The following CRTAC1 variants were observed in gnomAD, a reference collection of about 807,000 sequenced individuals.
CRTAC1 encodes acidic secreted protein in cartilage.
In CRTAC1, 37 loss-of-function variants were observed where a neutral mutation model predicts 67.8. That is an observed-to-expected ratio of 0.55 (90% CI 0.42 to 0.72). CRTAC1 has a LOEUF of 0.72. CRTAC1 is among the 30% of genes least tolerant of loss of function. The probability of loss-of-function intolerance (pLI) is 0.00; values close to 1 mark genes in which losing one functional copy is unlikely to be tolerated. For missense variants in CRTAC1, 780 were observed against 931.6 expected, an observed-to-expected ratio of 0.84 and a Z score of 2.12; for synonymous variants, 348 against 371.0, an observed-to-expected ratio of 0.94 and a Z score of 0.71.
At chr10:97,882,114 T>C (rs2136539320) in intron 13 of CRTAC1, among the ~76,000 whole-genome samples, 1 of 152,300 alleles carries the variant, frequency 6.6e-6, no homozygotes, top group Middle Eastern at 3.4e-3. Flanking sequence ...CAGAGTAGAC[T>C]TGGGAAGAAT....
intron 2 of CRTAC1, among the ~76,000 whole-genome samples, chr10:97,992,809 G>C (rs1842486802): frequency 6.6e-6 from 1 of 152,148 alleles, no homozygotes; most frequent in Admixed American, 6.5e-5. Context: ...GGAGATATTG[G>C]TCAAAGGATA....
In CRTAC1 at chr10:97,879,677, T is replaced by C. The variant is rs771016209; in HGVS notation, c.1819+572A>G. On this transcript the variant is annotated intron_variant, in intron 14 of 14. Transcript: ENST00000370597. ...TTTGTTTTGTTTTTTCCTTTATTGA[T>C]GGGATTTAAAGTGCATATAACTGAA... 5.9e-5 allele frequency: 90 copies of C among 1,532,580 alleles called. No homozygotes were observed. The African/African-American group carries it at 8.0e-4, about 14-fold the overall frequency. 94.9% of individuals were successfully genotyped at this position (1,532,580 alleles called of 1,614,324 possible). A position where few individuals can be genotyped will look rare whatever the true frequency, so the allele number is the denominator to read the frequency against.
At chr10:97,917,015 C>T (rs374842537) in intron 5 of CRTAC1, among the ~76,000 whole-genome samples, 75 of 152,294 alleles carry the variant, frequency 4.9e-4, no homozygotes, top group Non-Finnish European at 6.8e-4. Flanking sequence ...GCTCAGTTAT[C>T]CGAGACGGGA....
At chr10:97,931,073 G>T (rs1590217575) in intron 3 of CRTAC1, among the ~76,000 whole-genome samples, 1 of 152,280 alleles carries the variant, frequency 6.6e-6, no homozygotes, top group East Asian at 1.9e-4. Context: ...GAGCAGATAA[G>T]AAATTCAAAT....
chr10:97,897,599 T>C (rs1275316060), intron 8 of CRTAC1, among the ~76,000 whole-genome samples: 1 of 152,202 alleles, frequency 6.6e-6, no homozygotes, highest in African/African-American at 2.4e-5. Flanking sequence ...GTCTGCAGGA[T>C]ACAAAGGTGA....
chr10:97,925,675 G>A (rs190229829), intron 3 of CRTAC1, among the ~76,000 whole-genome samples: 1 of 109,922 alleles, frequency 9.1e-6, no homozygotes, highest in Non-Finnish European at 2.1e-5. Flanking sequence ...GAGTGTGAGA[G>A]GGGGGTGGGT....
At chr10:97,866,622 ATG>A (rs913970708) in intron 14 of CRTAC1, 3 of 152,264 alleles carry the variant, frequency 2.0e-5, no homozygotes, top group Non-Finnish European at 2.9e-5. Flanking sequence ...GTGTGAGCGC[ATG>A]TGTGTGCACC....
intron 14 of CRTAC1, chr10:97,878,826 T>C: frequency 2.9e-6 from 2 of 696,452 alleles, no homozygotes; most frequent in Non-Finnish European, 4.1e-6. Context: ...AGGCACAGCA[T>C]GGAGAAGTGA....
chr10:97,870,667 T>C (rs1490507862), intron 14 of CRTAC1: 1 of 152,196 alleles, frequency 6.6e-6, no homozygotes, highest in Non-Finnish European at 1.5e-5. Context: ...CACTTGAAAT[T>C]AACGTTTTGT....
At chr10:98,026,461 G>A (rs1263010175) in intron 1 of CRTAC1, among the ~76,000 whole-genome samples, 1 of 152,182 alleles carries the variant, frequency 6.6e-6, no homozygotes, top group Admixed American at 6.5e-5. Flanking sequence ...TAACCACAAT[G>A]TATGTAAGTA....
intron 2 of CRTAC1, among the ~76,000 whole-genome samples, chr10:97,977,068 G>A (rs2051817357): frequency 6.6e-6 from 1 of 152,192 alleles, no homozygotes; most frequent in Non-Finnish European, 1.5e-5. Flanking sequence ...TATTTGCTAA[G>A]CATTTCTATG....
At chr10:97,924,157 G>A (rs561787871) in intron 3 of CRTAC1, among the ~76,000 whole-genome samples, 4 of 152,264 alleles carry the variant, frequency 2.6e-5, no homozygotes, top group East Asian at 3.9e-4. Context: ...GAGCTCGTTC[G>A]TGACTAAGAA....
intron 1 of CRTAC1, among the ~76,000 whole-genome samples, chr10:98,023,043 G>T (rs1479802434): frequency 6.6e-6 from 1 of 152,136 alleles, no homozygotes; most frequent in African/African-American, 2.4e-5. Flanking sequence ...TTCCTAGTTT[G>T]TCTCCAGTGG....
At chr10:97,923,924 G>T (rs1048910343) in intron 3 of CRTAC1, among the ~76,000 whole-genome samples, 2 of 152,194 alleles carry the variant, frequency 1.3e-5, no homozygotes, top group African/African-American at 4.8e-5. Flanking sequence ...CTGATGGGGT[G>T]AGAAATGAGG....
intron 14 of CRTAC1, chr10:97,871,194 C>T (rs1009882273): frequency 1.3e-5 from 2 of 152,184 alleles, no homozygotes; most frequent in Non-Finnish European, 1.5e-5. Flanking sequence ...GTTCAAAGGG[C>T]CTGTCATTTC....
At chr10:97,899,618 G>A (rs1163651781) in intron 8 of CRTAC1, among the ~76,000 whole-genome samples, 40 of 152,194 alleles carry the variant, frequency 2.6e-4, no homozygotes, top group Admixed American at 2.6e-3. Flanking sequence ...TAAGCTTTTC[G>A]CAAGGCACCT....
chr10:97,878,485 C>A, intron 14 of CRTAC1: 1 of 702,312 alleles, frequency 1.4e-6, no homozygotes, highest in Non-Finnish European at 1.9e-6. Context: ...AAAAGGGTTG[C>A]TGCATTCTTA....
chr10:97,941,947 C>A (rs1245837647), intron 2 of CRTAC1, among the ~76,000 whole-genome samples: 3 of 152,178 alleles, frequency 2.0e-5, no homozygotes, highest in Non-Finnish European at 4.4e-5. Context: ...CTCCTTCTGC[C>A]ACAGGGTCTC....
intron 3 of CRTAC1, among the ~76,000 whole-genome samples, chr10:97,929,739 G>A (rs1479651306): frequency 2.6e-5 from 4 of 152,130 alleles, no homozygotes; most frequent in Non-Finnish European, 5.9e-5. Flanking sequence ...ACAATACCTG[G>A]CACATGATAA....
Sources: allele counts gnomAD v4.1 joint callset (sites outside exome capture counted in the v4.1 genomes callset), GRCh38; gene constraint gnomAD v4.1.1; transcripts MANE v1.5; gene names NCBI Gene and HGNC (gene_info 2026-07-23, HGNC 2026-07-21).